The following LRIF1 variants were observed in gnomAD, a reference collection of about 807,000 sequenced individuals.
LRIF1 encodes the protein ligand dependent nuclear receptor interacting factor 1, also known as ligand-dependent nuclear receptor-interacting factor 1.
LRIF1 carries 32 observed loss-of-function variants against 52.7 expected under a neutral mutation model. The ratio of observed to expected loss-of-function variants is 0.61; its 90% CI spans 0.46 to 0.82. The LOEUF (loss-of-function observed/expected upper bound fraction) is 0.82. LRIF1 is among the 40% of genes least tolerant of loss of function. The pLI, the probability that LRIF1 is intolerant of heterozygous loss-of-function variation, is 0.00. For missense variants in LRIF1, 887 were observed against 892.0 expected (o/e 0.99, Z 0.07); for synonymous variants, 323 against 317.4 (o/e 1.02, Z -0.19).
chr1:110,902,207 C>CTGT, the LRIF1 span, among the ~76,000 whole-genome samples: 415 of 152,282 alleles, frequency 2.7e-3, 1 homozygote, highest in African/African-American at 9.6e-3. Flanking sequence ...TTCAATGACT[C>CTGT]TGTTCTTAGG....
At chr1:110,950,460 C>T (rs1284417126) in intron 2 of LRIF1, among the ~76,000 whole-genome samples, 2 of 152,290 alleles carry the variant, frequency 1.3e-5, no homozygotes, top group South Asian at 2.1e-4. Flanking sequence ...GGAAAAGTCA[C>T]ACATGCCTTT....
the LRIF1 span, among the ~76,000 whole-genome samples, chr1:110,925,923 T>C: frequency 5.9e-5 from 9 of 152,128 alleles, no homozygotes; most frequent in South Asian, 2.1e-4. Context: ...ATAAAAATAC[T>C]TTAATCAAGC....
intron 1 of LRIF1, among the ~76,000 whole-genome samples, chr1:110,955,489 T>C (rs1418426): frequency 0.4 from 60,598 of 152,000 alleles, 12,302 homozygotes; most frequent in South Asian, 0.53. Context: ...CTTAGAGTCG[T>C]AGGAAGAAAA....
At chr1:110,905,615 T>A in the LRIF1 span, among the ~76,000 whole-genome samples, 1 of 152,074 alleles carries the variant, frequency 6.6e-6, no homozygotes, top group African/African-American at 2.4e-5. Context: ...ACACCAGTTC[T>A]GTCCTACAAG....
At chr1:110,958,079 T>C (rs1658780300) in intron 1 of LRIF1, among the ~76,000 whole-genome samples, 2 of 152,220 alleles carry the variant, frequency 1.3e-5, no homozygotes, top group South Asian at 4.1e-4. Context: ...CATCCTGTTA[T>C]CTCTTGTTCA....
At chr1:110,905,813 A>G in the LRIF1 span, among the ~76,000 whole-genome samples, 1 of 152,216 alleles carries the variant, frequency 6.6e-6, no homozygotes, top group Non-Finnish European at 1.5e-5. Context: ...AATCAAAAAT[A>G]ATAACTACAA....
the LRIF1 span, among the ~76,000 whole-genome samples, chr1:110,914,819 C>G: frequency 6.6e-6 from 1 of 152,044 alleles, no homozygotes; most frequent in Non-Finnish European, 1.5e-5. Flanking sequence ...ACAGATCTTA[C>G]CAAGGATATG....
At chr1:110,926,256 G>T in the LRIF1 span, among the ~76,000 whole-genome samples, 2 of 151,898 alleles carry the variant, frequency 1.3e-5, no homozygotes, top group Admixed American at 1.3e-4. Flanking sequence ...ATGAGGCTAG[G>T]GTAATCATGA....
the LRIF1 span, chr1:110,899,148 A>T: frequency 6.2e-7 from 1 of 1,613,796 alleles, no homozygotes; most frequent in Non-Finnish European, 8.5e-7. Flanking sequence ...CTTTGCACTG[A>T]CCCTGAACTG....
chr1:110,959,554 A>T (rs1658861050), intron 1 of LRIF1, among the ~76,000 whole-genome samples: 1 of 151,964 alleles, frequency 6.6e-6, no homozygotes, highest in Admixed American at 6.6e-5. Flanking sequence ...GATCGAGACC[A>T]TCCTGGCCAA....
chr1:110,941,584 ATACT>A, the LRIF1 span: 6 of 152,150 alleles, frequency 3.9e-5, no homozygotes, highest in African/African-American at 9.6e-5. Context: ...CCCAGAAAAG[ATACT>A]TAGAGTTACC....
the LRIF1 span, chr1:110,939,406 C>T: frequency 7.3e-6 from 1 of 137,530 alleles, no homozygotes; most frequent in African/African-American, 2.7e-5. Context: ...AAAGTCCAAA[C>T]TACCTAAAGC....
chr1:110,891,487 C>T, the LRIF1 span: 1 of 1,603,830 alleles, frequency 6.2e-7, no homozygotes, highest in Non-Finnish European at 8.5e-7. Context: ...TGTATCTCTT[C>T]TGAGCACGGT....
chr1:110,955,407 A>G (rs975576567), intron 1 of LRIF1, among the ~76,000 whole-genome samples: 2 of 152,118 alleles, frequency 1.3e-5, no homozygotes, highest in African/African-American at 4.8e-5. Flanking sequence ...CATATCTTCT[A>G]CCTTTCAATT....
At chr1:110,963,430 T>G in intron 1 of LRIF1, 191 bp downstream of exon 1, 1 of 437,166 alleles carries the variant, frequency 2.3e-6, no homozygotes, top group Non-Finnish European at 4.3e-6. Flanking sequence ...TCTAAAGAGG[T>G]TTTACATTTC....
At chr1:110,894,722 T>C in the LRIF1 span, among the ~76,000 whole-genome samples, 3 of 152,166 alleles carry the variant, frequency 2.0e-5, no homozygotes, top group Non-Finnish European at 4.4e-5. Flanking sequence ...CTCCTTTTCC[T>C]CCCTTGTAAA....
the LRIF1 span, among the ~76,000 whole-genome samples, chr1:110,934,440 G>A: frequency 8.5e-5 from 13 of 152,162 alleles, no homozygotes; most frequent in Non-Finnish European, 1.8e-4. Context: ...CCTTGGACCT[G>A]CCCTGTGTCG....
At chr1:110,897,863 A>G in the LRIF1 span, 1 of 1,611,580 alleles carries the variant, frequency 6.2e-7, no homozygotes, top group African/African-American at 1.3e-5. Flanking sequence ...GTATATCGGA[A>G]TCATCACCAT....
At chr1:110,891,293 A>T in the LRIF1 span, 1 of 846,678 alleles carries the variant, frequency 1.2e-6, no homozygotes, top group Non-Finnish European at 2.0e-6. Context: ...CACAGCTCAA[A>T]CCCAAGGTAA....
Sources: allele counts gnomAD v4.1 joint callset (sites outside exome capture counted in the v4.1 genomes callset), GRCh38; gene constraint gnomAD v4.1.1; transcripts MANE v1.5; gene names NCBI Gene and HGNC (gene_info 2026-07-23, HGNC 2026-07-21).